The following ERBIN variants were observed in gnomAD, a reference collection of about 807,000 sequenced individuals.
ERBIN encodes densin-180-like protein.
A neutral mutation model predicts 158.4 loss-of-function variants in ERBIN; 60 were observed. The ratio of observed to expected loss-of-function variants is 0.38; its 90% CI spans 0.31 to 0.47. ERBIN has a LOEUF of 0.47. ERBIN is among the 20% of genes least tolerant of loss of function. ERBIN has a pLI of 0.99. For missense variants in ERBIN, 1,610 were observed against 1,648.0 expected (o/e 0.98, Z 0.40); for synonymous variants, 594 against 557.2 (o/e 1.07, Z -0.93).
intron 13 of ERBIN, 70 bp from the exon 14 acceptor site, chr5:66,028,204 G>A: frequency 8.4e-7 from 1 of 1,191,852 alleles, no homozygotes; most frequent in Non-Finnish European, 1.2e-6. Flanking sequence ...AAACCTTTAG[G>A]TTGAACCCTC....
rs1419032974 is a variant in ERBIN, at chr5:66,025,852, A to G, written c.895A>G (p.Ile299Val). 4.0e-6 allele frequency: 6 copies of G among 1,483,966 alleles called. No individual in the cohort carries two copies. Among genetic ancestry groups the G allele is most frequent in the Non-Finnish European group, 5.4e-6 (6 of 1,103,854 alleles). 91.9% of individuals were successfully genotyped at this position (1,483,966 alleles called of 1,614,324 possible). A position where few individuals can be genotyped will look rare whatever the true frequency, so the allele number is the denominator to read the frequency against. The part of the protein sequence containing the change: ...MYLPDSIGGL[I>V]SVEELDCSFN... ...ATTTCTTTTTTTAAATTAAAGGTTAATATCAGTAGAAGAACTGGATTGTAG... is the reference window on the plus strand; with the variant it reads ...ATTTCTTTTTTTAAATTAAAGGTTAGTATCAGTAGAAGAACTGGATTGTAG... The change falls in exon 12 of 26, where the codon ATA (isoleucine) becomes GTA (valine). Residue 299 changes from isoleucine (I) to valine (V), a missense_variant. This residue lies in a region of ERBIN where 596 missense variants were observed against 711.9 expected (regional missense o/e 0.84). Transcript: ENST00000284037.
chr5:65,934,632 T>C (rs541808591), intron 1 of ERBIN, among the ~76,000 whole-genome samples: 1 of 152,332 alleles, frequency 6.6e-6, no homozygotes, highest in South Asian at 2.1e-4. Context: ...GCAATTTCAG[T>C]GTGTCCTATT....
Position 66,054,951 on chromosome 5 carries a change from G to A in ERBIN, c.3633G>A (p.Lys1211=). The A allele has an allele frequency of 6.4e-7, 1 of 1,554,654 alleles. No individual in the cohort carries two copies. Among genetic ancestry groups the A allele is most frequent in the Non-Finnish European group, 8.7e-7 (1 of 1,151,544 alleles). Residue 1211 remains lysine (K), a splice_region_variant and synonymous_variant, in exon 21 of 26, where the codon AAG becomes AAA. Coordinates refer to ENST00000284037, the MANE Select transcript of ERBIN (RefSeq NM_001253697.2). ...ATATTGAAGCCAAAAAGTTAGAAAAGGTAATTGAACATGAGTTTTTCATTA... is the reference window on the plus strand; with the variant it reads ...ATATTGAAGCCAAAAAGTTAGAAAAAGTAATTGAACATGAGTTTTTCATTA... The part of the protein sequence containing the change: ...LRHIEAKKLE[K]KHPQTSSSGD...
chr5:66,073,843 T>A (rs1761737497), intron 22 of ERBIN, among the ~76,000 whole-genome samples: 1 of 152,074 alleles, frequency 6.6e-6, no homozygotes. Context: ...ACAAAAATCT[T>A]TTTATATGCA....
intron 2 of ERBIN, among the ~76,000 whole-genome samples, chr5:65,992,127 G>A (rs1181435583): frequency 6.6e-6 from 1 of 152,076 alleles, no homozygotes; most frequent in Non-Finnish European, 1.5e-5. Flanking sequence ...TTCTTGTTGA[G>A]TACTAAGAAG....
chr5:66,022,066 T>C (rs1407764018), intron 8 of ERBIN, among the ~76,000 whole-genome samples: 1 of 152,064 alleles, frequency 6.6e-6, no homozygotes, highest in Non-Finnish European at 1.5e-5. Context: ...GTGGTAGCTC[T>C]CAAATGATGG....
intron 1 of ERBIN, among the ~76,000 whole-genome samples, chr5:65,948,770 T>TTTTG (rs1554046016): frequency 3.5e-5 from 5 of 142,488 alleles, no homozygotes; most frequent in South Asian, 2.3e-4. Flanking sequence ...GCGTTTTTTT[T>TTTTG]TTTTTTTTTT....
chr5:66,038,665 A>G (rs1175119103), intron 15 of ERBIN, among the ~76,000 whole-genome samples, 183 bp downstream of exon 15: 2 of 152,094 alleles, frequency 1.3e-5, no homozygotes, highest in Admixed American at 6.6e-5. Context: ...TAGAAGTATA[A>G]GTGTAGCATA....
Position 66,076,392 on chromosome 5 carries a change from T to G in ERBIN, c.4040T>G (p.Phe1347Cys). 1 of 1,611,756 alleles carries G rather than the reference T, an allele frequency of 6.2e-7. No homozygotes were observed. The highest frequency in any genetic ancestry group is 8.5e-7 in the Non-Finnish European group (1 of 1,179,070). ...SGGVGGRGNP[F>C]RPDDDGIFVT... ...GGTGTCGGGGGTAGAGGAAACCCATTCAGACCTGATGATGATGTAAGTTTT... is the reference window on the plus strand; with the variant it reads ...GGTGTCGGGGGTAGAGGAAACCCATGCAGACCTGATGATGATGTAAGTTTT... Residue 1347 changes from phenylalanine to cysteine, a missense_variant, in exon 24 of 26, where the codon TTC (phenylalanine) becomes TGC (cysteine). This residue lies in a region of ERBIN where 1,014 missense variants were observed against 936.1 expected (regional missense o/e 1.08). Coordinates refer to ENST00000284037, the MANE Select transcript of ERBIN (RefSeq NM_001253697.2).
chr5:66,030,051 G>T (rs761207253), intron 14 of ERBIN, among the ~76,000 whole-genome samples: 2 of 151,644 alleles, frequency 1.3e-5, no homozygotes, highest in Non-Finnish European at 2.9e-5. Flanking sequence ...TTTTGTTTTT[G>T]TTTTTTGACA....
intron 1 of ERBIN, among the ~76,000 whole-genome samples, chr5:65,986,977 G>A (rs1561335333): frequency 6.6e-6 from 1 of 152,132 alleles, no homozygotes; most frequent in African/African-American, 2.4e-5. Context: ...GTTGACTTAC[G>A]GTAATAGGAT....
At chr5:65,987,665 C>T (rs774071679) in intron 1 of ERBIN, among the ~76,000 whole-genome samples, 1 of 152,054 alleles carries the variant, frequency 6.6e-6, no homozygotes, top group South Asian at 2.1e-4. Context: ...CCAGCCTGGC[C>T]AATATGGCAA....
Position 65,992,922 on chromosome 5 carries a change from T to A in ERBIN, c.189+15T>A. ...AGCTTCCAAAGGTATGCTAATACTT[T>A]CTTTCAAGAATTATCTTTGGTTATT... is the stretch of plus-strand genomic sequence containing the variant. On this transcript the variant is annotated intron_variant, in intron 3 of 25. Transcript: ENST00000284037. 1 of 1,514,940 alleles carries A rather than the reference T, an allele frequency of 6.6e-7. No homozygotes were observed. 93.8% of individuals were successfully genotyped at this position (1,514,940 alleles called of 1,614,324 possible).
intron 1 of ERBIN, among the ~76,000 whole-genome samples, chr5:65,970,156 T>TA: frequency 6.6e-6 from 1 of 152,316 alleles, no homozygotes; most frequent in Admixed American, 6.5e-5. Context: ...GACTTTTGTT[T>TA]ATTAAACCAA....
chr5:66,025,049 T>G (rs1357640744), intron 10 of ERBIN, among the ~76,000 whole-genome samples: 1 of 152,164 alleles, frequency 6.6e-6, no homozygotes, highest in African/African-American at 2.4e-5. Flanking sequence ...AAAAAATATT[T>G]TACTGTTTTA....
intron 1 of ERBIN, among the ~76,000 whole-genome samples, chr5:65,951,275 T>C (rs1746472848): frequency 6.6e-6 from 1 of 152,230 alleles, no homozygotes; most frequent in African/African-American, 2.4e-5. Context: ...CTTAGACTAT[T>C]GTGTTTCTCT....
chr5:65,963,494 A>G (rs962717563), intron 1 of ERBIN, among the ~76,000 whole-genome samples: 2 of 152,088 alleles, frequency 1.3e-5, no homozygotes, highest in Admixed American at 1.3e-4. Context: ...GCTACTCCGG[A>G]GGCTGAGGCA....
intron 4 of ERBIN, among the ~76,000 whole-genome samples, chr5:66,010,198 T>C (rs1754059039): frequency 1.3e-5 from 2 of 152,236 alleles, no homozygotes; most frequent in Non-Finnish European, 1.5e-5. Context: ...TTGATAGTTT[T>C]GAAAGTTATT....
intron 14 of ERBIN, among the ~76,000 whole-genome samples, chr5:66,029,191 AT>A (rs1293194040): frequency 2.6e-5 from 4 of 152,194 alleles, no homozygotes; most frequent in Non-Finnish European, 5.9e-5. Flanking sequence ...GCTGGATTAT[AT>A]GATAGTTCCA....
Sources: gnomAD v4.1 joint callset for allele counts (sites outside exome capture counted in the v4.1 genomes callset) on GRCh38, gnomAD v4.1.1 for gene constraint, gnomAD v4.1.1 regional missense constraint, MANE v1.5 for transcripts, NCBI Gene and HGNC (gene_info 2026-07-23, HGNC 2026-07-21) for gene names.